Variants in SORCS2 observed in about 807,000 individuals in gnomAD.
SORCS2 encodes the protein sortilin related VPS10 domain containing receptor 2.
SORCS2 carries 100 observed loss-of-function variants against 141.6 expected under a neutral mutation model. The observed-to-expected ratio is 0.71, with a 90% CI of 0.60 to 0.83. The LOEUF (loss-of-function observed/expected upper bound fraction) is 0.83. Among genes scored for constraint, SORCS2 ranks in the 40% least tolerant of loss-of-function variants. The probability of loss-of-function intolerance (pLI) is 0.00; values close to 1 mark genes in which losing one functional copy is unlikely to be tolerated. For synonymous variants in SORCS2, 789 were observed against 676.9 expected (o/e 1.17, Z -2.57); for missense variants, 1,646 against 1,560.2 (o/e 1.05, Z -0.93).
intron 2 of SORCS2, among the ~76,000 whole-genome samples, chr4:7,505,101 G>C (rs1451793706): frequency 1.3e-5 from 2 of 152,224 alleles, no homozygotes; most frequent in Non-Finnish European, 2.9e-5. Context: ...TGGTGGAACG[G>C]GTGAGTCAAA....
chr4:7,670,790 C>T (rs917260418), intron 8 of SORCS2, among the ~76,000 whole-genome samples: 4 of 150,408 alleles, frequency 2.7e-5, no homozygotes, highest in South Asian at 2.1e-4. Flanking sequence ...CCTAGAGCAG[C>T]GTGCACAGAG....
At chr4:7,420,108 A>C (rs962897638) in intron 2 of SORCS2, among the ~76,000 whole-genome samples, 1 of 152,250 alleles carries the variant, frequency 6.6e-6, no homozygotes, top group African/African-American at 2.4e-5. Context: ...TGTCAGCCAG[A>C]TCTCAGCCAC....
intron 1 of SORCS2, among the ~76,000 whole-genome samples, chr4:7,390,932 G>A (rs137910667): frequency 5.9e-5 from 9 of 152,284 alleles, no homozygotes; most frequent in East Asian, 3.9e-4. Context: ...GAGAAACCGC[G>A]AACTCTGCGA....
At chr4:7,448,653 ACTTCCTCCGTCCCTGC>A (rs1326801106) in intron 2 of SORCS2, among the ~76,000 whole-genome samples, 3 of 111,076 alleles carry the variant, frequency 2.7e-5, no homozygotes, top group African/African-American at 1.1e-4. Context: ...TGCCTTCCTG[ACTTCCTCCGTCCCTGC>A]CTTCCTCCTT....
In SORCS2 at chr4:7,292,354, C is replaced by T. The variant is rs533477156; in HGVS notation, c.480+99228C>T. Among the ~76,000 whole-genome samples the T allele has an allele frequency of 2.0e-5, 3 of 152,220 alleles. No homozygotes were observed. In the East Asian group the frequency reaches 5.8e-4, roughly 29 times the overall value. On this transcript the variant is annotated intron_variant, in intron 1 of 26. Coordinates refer to ENST00000507866, the MANE Select transcript of SORCS2 (RefSeq NM_020777.3). ...GTCTGTTCACCAAGGAGGCTCCCCA[C>T]CCCACAGCTCCCATCACTGCATTGA...
At chr4:7,314,924 A>AG (rs1361351614) in intron 1 of SORCS2, among the ~76,000 whole-genome samples, 4 of 149,634 alleles carry the variant, frequency 2.7e-5, no homozygotes, top group Non-Finnish European at 4.4e-5. Flanking sequence ...CTCTGCCTCC[A>AG]GGGTTCAAGC....
intron 3 of SORCS2, among the ~76,000 whole-genome samples, chr4:7,584,642 T>C (rs554148732): frequency 4.6e-5 from 7 of 152,276 alleles, no homozygotes; most frequent in African/African-American, 1.7e-4. Flanking sequence ...GATAAACACA[T>C]GCAGAGGAGG....
At chr4:7,434,897 T>G (rs1305577859) in intron 2 of SORCS2, 2 of 1,531,656 alleles carry the variant, frequency 1.3e-6, no homozygotes, top group African/African-American at 2.8e-5. Flanking sequence ...AGGGACTCTC[T>G]GGCTCCAGAG....
At chr4:7,296,023 G>A in intron 1 of SORCS2, among the ~76,000 whole-genome samples, 1 of 152,218 alleles carries the variant, frequency 6.6e-6, no homozygotes, top group South Asian at 2.1e-4. Flanking sequence ...ATGGCTGCGT[G>A]TGTGGCTGGG....
intron 2 of SORCS2, among the ~76,000 whole-genome samples, chr4:7,417,509 A>C (rs1725777310): frequency 6.6e-6 from 1 of 152,158 alleles, no homozygotes; most frequent in South Asian, 2.1e-4. Flanking sequence ...TAATTCTGGA[A>C]GTCTCAGCTC....
chr4:7,592,015 A>T (rs144646993), intron 3 of SORCS2, among the ~76,000 whole-genome samples: 78 of 152,160 alleles, frequency 5.1e-4, no homozygotes, highest in African/African-American at 1.8e-3. Context: ...TCCCCCTTTA[A>T]ATTGGCAGAG....
intron 14 of SORCS2, among the ~76,000 whole-genome samples, chr4:7,710,991 G>A (rs1367353684): frequency 1.3e-5 from 2 of 152,234 alleles, no homozygotes; most frequent in African/African-American, 4.8e-5. Context: ...ATGAGGCCTG[G>A]CAGCGACGTG....
chr4:7,550,996 C>T (rs924640865), intron 3 of SORCS2, among the ~76,000 whole-genome samples: 5 of 152,228 alleles, frequency 3.3e-5, no homozygotes, highest in Non-Finnish European at 7.3e-5. Flanking sequence ...GCTTGGTTTA[C>T]TGCACAAAAG....
intron 22 of SORCS2, among the ~76,000 whole-genome samples, chr4:7,729,137 A>G (rs1331167907): frequency 6.6e-6 from 1 of 152,166 alleles, no homozygotes; most frequent in Non-Finnish European, 1.5e-5. Flanking sequence ...CTGAGAGCAT[A>G]TTCTCTGTGG....
chr4:7,471,998 G>A (rs141757865), intron 2 of SORCS2, among the ~76,000 whole-genome samples: 7 of 152,328 alleles, frequency 4.6e-5, no homozygotes, highest in Non-Finnish European at 8.8e-5. Context: ...CCGATTCAGC[G>A]GCATCATTCC....
chr4:7,582,688 T>TA (rs1163604553), intron 3 of SORCS2, among the ~76,000 whole-genome samples: 1 of 152,008 alleles, frequency 6.6e-6, no homozygotes, highest in Non-Finnish European at 1.5e-5. Context: ...TTAAAGGATA[T>TA]AAAAAATGAA....
intron 2 of SORCS2, among the ~76,000 whole-genome samples, chr4:7,445,234 G>C (rs1727912110): frequency 6.6e-6 from 1 of 152,222 alleles, no homozygotes; most frequent in South Asian, 2.1e-4. Context: ...ACAGATACTT[G>C]GGACTTGGCA....
Position 7,361,676 on chromosome 4 carries a change from G to C in SORCS2, c.481-34612G>C, listed in dbSNP as rs554323641. ...AGCAGGAGACACGCCCACAGTGAGA[G>C]AAGGGGTGTGGGGGCCCGGGGAAGG... On this transcript the variant is annotated intron_variant, in intron 1 of 26. Transcript: ENST00000507866. Among the ~76,000 whole-genome samples the C allele has an allele frequency of 4.0e-5, 6 of 151,826 alleles. No homozygotes were observed. The South Asian group carries it at 1.2e-3, about 32-fold the overall frequency.
In SORCS2 at chr4:7,740,997, AGGGCAGACGGGGTAGGGC is replaced by A. The variant is rs1381094001; in HGVS notation, c.*738_*755del. 5 of 398,474 alleles carry A rather than the reference AGGGCAGACGGGGTAGGGC, an allele frequency of 1.3e-5. No individual in the cohort carries two copies. Among genetic ancestry groups the A allele is most frequent in the Non-Finnish European group, 2.2e-5 (5 of 226,250 alleles). 24.7% of individuals were successfully genotyped at this position (398,474 alleles called of 1,614,324 possible). A position where few individuals can be genotyped will look rare whatever the true frequency, so the allele number is the denominator to read the frequency against. The stretch of plus-strand genomic sequence containing the variant: ...GCAGCAGCTCTCCCTGGTTCTCCCC[AGGGCAGACGGGGTAGGGC>A]GGGCTCAGGACCCAGTGCCCATGGT... On this transcript the variant is annotated 3_prime_UTR_variant, in exon 27 of 27. Coordinates refer to ENST00000507866, the MANE Select transcript of SORCS2 (RefSeq NM_020777.3).
Sources: allele counts gnomAD v4.1 joint callset (sites outside exome capture counted in the v4.1 genomes callset), GRCh38; gene constraint gnomAD v4.1.1; transcripts MANE v1.5; gene names NCBI Gene and HGNC (gene_info 2026-07-23, HGNC 2026-07-21).